Variants in DLX2 observed in about 807,000 individuals in gnomAD.
The protein encoded by DLX2 is homeobox protein DLX-2.
Under a neutral mutation model 27.4 loss-of-function variants are expected in DLX2, and 8 were observed. That is an observed-to-expected ratio of 0.29 (90% confidence interval 0.17 to 0.53). DLX2 has a LOEUF of 0.53. DLX2 is among the 20% of genes least tolerant of loss of function. The probability of loss-of-function intolerance (pLI) is 0.96; values close to 1 mark genes in which losing one functional copy is unlikely to be tolerated. For missense variants in DLX2, 421 were observed against 450.9 expected (o/e 0.93, Z 0.60); for synonymous variants, 210 against 200.8 (o/e 1.05, Z -0.39).
In DLX2 at chr2:172,102,375, G is replaced by C. The variant is rs1211380790; in HGVS notation, c.164C>G (p.Thr55Ser). Residue 55 changes from threonine (T) to serine (S), a missense_variant, in exon 1 of 3, where the codon ACC (threonine) becomes AGC (serine). Physicochemically the swap from Thr to Ser is moderately conservative, Grantham distance 58. Transcript: ENST00000234198. The part of the protein sequence containing the change: ...SSLHKPQESP[T>S]LPVSTATDSS... ...GTCGGTGGCGGTGGACACCGGAAGG[G>C]TGGGCGACTCCTGGGGCTTGTGGAG... is the stretch of plus-strand genomic sequence containing the variant. 1 of 1,565,584 alleles carries C rather than the reference G, an allele frequency of 6.4e-7. No homozygotes were observed.
intron 1 of DLX2, 35 bp downstream of exon 1, chr2:172,102,104 C>G (rs761311097): frequency 1.3e-6 from 2 of 1,592,322 alleles, no homozygotes; most frequent in Non-Finnish European, 1.7e-6. Flanking sequence ...TTAACTAGAC[C>G]GACTCGGCAC....
rs781505805 is a variant in DLX2, at chr2:172,101,656, T to G, written c.401-10A>C. The G allele has an allele frequency of 6.2e-7, 1 of 1,612,950 alleles. No individual in the cohort carries two copies. Among genetic ancestry groups the G allele is most frequent in the Non-Finnish European group, 8.5e-7 (1 of 1,179,700 alleles). On this transcript the variant is annotated splice_polypyrimidine_tract_variant and intron_variant, in intron 1 of 2. Coordinates refer to ENST00000234198, the MANE Select transcript of DLX2 (RefSeq NM_004405.4). ...TCAAGGTCCTCCTTCTCTGCAACGA[T>G]AAAGAATCGTAAGAACAGCGCAACC...
chr2:172,101,764 T>C, intron 1 of DLX2, 118 bp from the exon 2 acceptor site: 1 of 1,156,238 alleles, frequency 8.6e-7, no homozygotes, highest in East Asian at 2.4e-5. Context: ...CACTGAACTG[T>C]GGCGCCACGG....
chr2:172,102,105 G>T, intron 1 of DLX2, 34 bp downstream of exon 1: 3 of 1,594,352 alleles, frequency 1.9e-6, no homozygotes, highest in East Asian at 2.2e-5. Flanking sequence ...TAACTAGACC[G>T]ACTCGGCACT....
At position 172,099,660 on chromosome 2, in the gene DLX2, A is replaced by G. The variant is rs1009568510; in HGVS notation, c.*883T>C. The G allele has an allele frequency of 1.3e-5, 2 of 152,644 alleles. No individual in the cohort carries two copies. Among genetic ancestry groups the G allele is most frequent in the Non-Finnish European group, 2.9e-5 (2 of 68,028 alleles). 9.5% of individuals were successfully genotyped at this position (152,644 alleles called of 1,614,324 possible). A position where few individuals can be genotyped will look rare whatever the true frequency, so the allele number is the denominator to read the frequency against. ...GTTGCTGAGGTCACTGCTAAACTGC[A>G]GTTTTCACAACTGGGGGTTTACAAA... On this transcript the variant is annotated 3_prime_UTR_variant, in exon 3 of 3. Coordinates refer to ENST00000234198, the MANE Select transcript of DLX2 (RefSeq NM_004405.4).
chr2:172,101,165 G>A (rs1456284773), intron 2 of DLX2: 10 of 621,290 alleles, frequency 1.6e-5, no homozygotes, highest in African/African-American at 3.7e-5. Context: ...TGGTGTACGT[G>A]CACTGTGATG....
In DLX2 at chr2:172,100,521, C is replaced by G; in HGVS notation, c.*22G>C. The G allele has an allele frequency of 6.5e-7, 1 of 1,540,378 alleles. No individual in the cohort carries two copies. Among genetic ancestry groups the G allele is most frequent in the Non-Finnish European group, 8.7e-7 (1 of 1,151,002 alleles). On this transcript the variant is annotated 3_prime_UTR_variant, in exon 3 of 3. Transcript: ENST00000234198. This position sits in a 1 kb window ranked among gnomAD's most constrained non-coding sequence, Gnocchi z 4.5. ...AGGATAAGTGGTCTCTGCTCTCAGT[C>G]TCTGGCGAGTTCTCCCTGGGGTTAG...
intron 2 of DLX2, 90 bp from the exon 3 acceptor site, chr2:172,101,034 A>C: frequency 4.9e-6 from 7 of 1,432,652 alleles, no homozygotes; most frequent in Non-Finnish European, 6.7e-6. Context: ...GCAGAGAAAA[A>C]CCGCTGGCTA....
chr2:172,100,327 A>G lies in DLX2; in HGVS notation c.*216T>C. On this transcript the variant is annotated 3_prime_UTR_variant, in exon 3 of 3. Coordinates refer to ENST00000234198, the MANE Select transcript of DLX2 (RefSeq NM_004405.4). The surrounding 1 kb of genome is among the most constrained non-coding windows in gnomAD (Gnocchi z 4.5). ...GCTCAGGTCAGAAATGCGGCCTTTTAGGGAGGCCTTTGCCAAGCTGCTGTC... is the reference window on the plus strand; with the variant it reads ...GCTCAGGTCAGAAATGCGGCCTTTTGGGGAGGCCTTTGCCAAGCTGCTGTC... The G allele has an allele frequency of 2.1e-6, 1 of 477,070 alleles. No homozygotes were observed. The highest frequency in any genetic ancestry group is 3.6e-6 in the Non-Finnish European group (1 of 279,076). 29.6% of individuals were successfully genotyped at this position (477,070 alleles called of 1,614,324 possible). A position where few individuals can be genotyped will look rare whatever the true frequency, so the allele number is the denominator to read the frequency against.
chr2:172,102,162 G>A lies in DLX2; in HGVS notation c.377C>T (p.Ser126Leu), dbSNP rs1343325746. ...YTSYAPYGTSSSPANNEPEKE... is the reference protein window; with the variant it reads ...YTSYAPYGTSLSPANNEPEKE... The stretch of plus-strand genomic sequence containing the variant: ...ACCAGGCTCGTTGTTGGCTGGGGAC[G>A]AACTGGTTCCATAGGGAGCGTAGGA... The change falls in exon 1 of 3, where the codon TCG becomes TTG. Residue 126 changes from serine to leucine, a missense_variant. Ser to Leu is a moderately radical substitution (Grantham distance 145). Transcript: ENST00000234198. 2 of 1,613,846 alleles carry A rather than the reference G, an allele frequency of 1.2e-6. No homozygotes were observed. Among genetic ancestry groups the A allele is most frequent in the Non-Finnish European group, 1.7e-6 (2 of 1,179,858 alleles).
chr2:172,100,524 T>A lies in DLX2; in HGVS notation c.*19A>T. 6.5e-7 allele frequency: 1 copy of A among 1,543,772 alleles called. No individual in the cohort carries two copies. The highest frequency in any genetic ancestry group is 8.7e-7 in the Non-Finnish European group (1 of 1,152,334). ...ATAAGTGGTCTCTGCTCTCAGTCTC[T>A]GGCGAGTTCTCCCTGGGGTTAGAAA... On this transcript the variant is annotated 3_prime_UTR_variant, in exon 3 of 3. Transcript: ENST00000234198. The surrounding 1 kb of genome is among the most constrained non-coding windows in gnomAD (Gnocchi z 4.5).
chr2:172,102,003 T>G (rs1574163240), intron 1 of DLX2, 136 bp downstream of exon 1: 20 of 1,412,830 alleles, frequency 1.4e-5, no homozygotes, highest in South Asian at 1.5e-5. Flanking sequence ...CTGGGGAGGG[T>G]AAAGGGCACA....
At position 172,099,968 on chromosome 2, in the gene DLX2, G is replaced by A. The variant is rs1465948327; in HGVS notation, c.*575C>T. 2.6e-5 allele frequency: 4 copies of A among 152,390 alleles called. No homozygotes were observed. Among genetic ancestry groups the A allele is most frequent in the African/African-American group, 9.6e-5 (4 of 41,458 alleles). 9.4% of individuals were successfully genotyped at this position (152,390 alleles called of 1,614,324 possible). On this transcript the variant is annotated 3_prime_UTR_variant, in exon 3 of 3. Transcript: ENST00000234198. ...AGAGAGCTGAGGGAGCGCTCCTGGG[G>A]GAGCGCGGTGGGGGTAAGATAAGGG...
chr2:172,102,648 G>C lies in DLX2; in HGVS notation c.-110C>G. On this transcript the variant is annotated 5_prime_UTR_variant, in exon 1 of 3. Transcript: ENST00000234198. ...CAGCCAATGTAATTACGGGGGTGGT[G>C]GTGGGGAAACAAGAAAGGAGGCAAC... The C allele has an allele frequency of 8.5e-7, 1 of 1,169,752 alleles. No individual in the cohort carries two copies. The highest frequency in any genetic ancestry group is 3.0e-5 in the Admixed American group (1 of 32,998). 72.5% of individuals were successfully genotyped at this position (1,169,752 alleles called of 1,614,324 possible). A position where few individuals can be genotyped will look rare whatever the true frequency, so the allele number is the denominator to read the frequency against.
In DLX2 at chr2:172,102,297, C is replaced by G; in HGVS notation, c.242G>C (p.Gly81Ala). 4.3e-6 allele frequency: 7 copies of G among 1,610,220 alleles called. No individual in the cohort carries two copies. Among genetic ancestry groups the G allele is most frequent in the Non-Finnish European group, 5.9e-6 (7 of 1,178,486 alleles). Residue 81 changes from glycine (G) to alanine (A), a missense_variant, in exon 1 of 3, where the codon GGC (glycine) becomes GCC (alanine). Gly to Ala is a moderately conservative substitution (Grantham distance 60, BLOSUM62 0). This residue lies in a region of DLX2 where 141 missense variants were observed against 123.5 expected (regional missense o/e 1.14). Transcript: ENST00000234198. The stretch of plus-strand genomic sequence containing the variant: ...GGAACCCATGTGCGCGTAGGGCGAG[C>G]CCCCGCCGCCGCCGCCGCCCGCCGG... The part of the protein sequence containing the change: ...QHPAGGGGGG[G>A]SPYAHMGSYQ...
rs1691114884 is a variant in DLX2 at position 172,099,525 on chromosome 2, C to A, written c.*1018G>T. 6.6e-6 allele frequency: 1 copy of A among 152,598 alleles called. No individual in the cohort carries two copies. Among genetic ancestry groups the A allele is most frequent in the Non-Finnish European group, 1.5e-5 (1 of 68,020 alleles). The allele number at this position is 152,598 out of a possible 1,614,324, so 9.5% of individuals were successfully genotyped here. A position where few individuals can be genotyped will look rare whatever the true frequency, so the allele number is the denominator to read the frequency against. On this transcript the variant is annotated 3_prime_UTR_variant, in exon 3 of 3. Coordinates refer to ENST00000234198, the MANE Select transcript of DLX2 (RefSeq NM_004405.4). ...ATGTTGTTTTCATAATAAATAACCC[C>A]AAAATACCTTTCATTTCAACAACAA... is the stretch of plus-strand genomic sequence containing the variant.
At chr2:172,101,187 G>A in intron 2 of DLX2, 1 of 612,750 alleles carries the variant, frequency 1.6e-6, no homozygotes. Context: ...TGGTGACAGC[G>A]GGAGGGTGAG....
chr2:172,101,906 G>C (rs1233898176), intron 1 of DLX2, among the ~76,000 whole-genome samples: 1 of 152,240 alleles, frequency 6.6e-6, no homozygotes, highest in Non-Finnish European at 1.5e-5. Context: ...TATGAGGCAG[G>C]CAGAGCACGC....
At position 172,102,311 on chromosome 2, in the gene DLX2, G is replaced by A. The variant is rs747778233; in HGVS notation, c.228C>T (p.Gly76=). The A allele has an allele frequency of 3.7e-6, 6 of 1,608,366 alleles. No individual in the cohort carries two copies. In the East Asian group the frequency reaches 1.1e-4, roughly 30 times the overall value. ...CGTAGGGCGAGCCCCCGCCGCCGCC[G>A]CCGCCCGCCGGGTGCTGCTGGTTGG... ...YYTNQQHPAG[G]GGGGGSPYAH... The change falls in exon 1 of 3, where the codon GGC becomes GGT. Residue 76 remains glycine, a synonymous_variant. Coordinates refer to ENST00000234198, the MANE Select transcript of DLX2 (RefSeq NM_004405.4).
Sources: gnomAD v4.1 joint callset for allele counts (sites outside exome capture counted in the v4.1 genomes callset) on GRCh38, gnomAD v4.1.1 for gene constraint, gnomAD v4.1.1 regional missense constraint, Gnocchi (gnomAD v3.1) non-coding constraint, MANE v1.5 for transcripts, NCBI Gene and HGNC (gene_info 2026-07-23, HGNC 2026-07-21) for gene names.